NCAM2: variants seen among roughly 807,000 people sequenced by gnomAD.
NCAM2 encodes neural cell adhesion molecule 2.
A neutral mutation model predicts 98.1 loss-of-function variants in NCAM2; 30 were observed. That is an observed-to-expected ratio of 0.31 (90% CI 0.23 to 0.41). The LOEUF is 0.41. NCAM2 is among the 10% of genes least tolerant of loss of function. The pLI is 1.00. For missense variants in NCAM2, 867 were observed against 1,005.8 expected, an observed-to-expected ratio of 0.86 and a Z score of 1.87; for synonymous variants, 368 against 342.4, an observed-to-expected ratio of 1.07 and a Z score of -0.83.
chr21:21,030,951 TAAA>T (rs148221926), intron 1 of NCAM2, among the ~76,000 whole-genome samples: 1 of 151,942 alleles, frequency 6.6e-6, no homozygotes, highest in African/African-American at 2.4e-5. Flanking sequence ...GAATTTAAAA[TAAA>T]AAAGATAATG....
chr21:21,009,040 C>G (rs778296397), intron 1 of NCAM2, among the ~76,000 whole-genome samples: 3 of 152,114 alleles, frequency 2.0e-5, no homozygotes, highest in Non-Finnish European at 2.9e-5. Flanking sequence ...GCAAGAATGC[C>G]TTTCCCTGCT....
chr21:21,168,823 T>C (rs2068034859), intron 1 of NCAM2, among the ~76,000 whole-genome samples: 1 of 152,144 alleles, frequency 6.6e-6, no homozygotes, highest in Non-Finnish European at 1.5e-5. Flanking sequence ...CATTCTTAGC[T>C]TACGTGTAGG....
chr21:21,032,090 G>A (rs1030827587), intron 1 of NCAM2, among the ~76,000 whole-genome samples: 4 of 152,080 alleles, frequency 2.6e-5, no homozygotes, highest in African/African-American at 9.7e-5. Context: ...ATGCAATGGT[G>A]AGCGTACGAA....
At chr21:21,363,832 T>C (rs540136987) in intron 8 of NCAM2, among the ~76,000 whole-genome samples, 83 of 152,248 alleles carry the variant, frequency 5.5e-4, no homozygotes, top group African/African-American at 1.9e-3. Context: ...CTCCTGATTT[T>C]GCTTAAAAAG....
chr21:21,344,768 A>C (rs2147908051), intron 8 of NCAM2, among the ~76,000 whole-genome samples: 1 of 152,210 alleles, frequency 6.6e-6, no homozygotes, highest in East Asian at 1.9e-4. Flanking sequence ...TAGAGCCCTA[A>C]AGCCTTGAGC....
At chr21:21,297,687 A>G (rs2826780) in intron 5 of NCAM2, among the ~76,000 whole-genome samples, 1,856 of 151,598 alleles carry the variant, frequency 0.012, 41 homozygotes, top group African/African-American at 0.042. Flanking sequence ...ATATTCTCCC[A>G]CCATCTGATT....
intron 1 of NCAM2, among the ~76,000 whole-genome samples, chr21:21,017,053 T>C (rs1442369558): frequency 6.6e-6 from 1 of 152,152 alleles, no homozygotes; most frequent in East Asian, 1.9e-4. Flanking sequence ...CAAGAGTATG[T>C]AGGAGAATAA....
chr21:21,356,649 C>A lies in NCAM2; in HGVS notation c.1045-17214C>A, dbSNP rs530522989. Among the ~76,000 whole-genome samples the A allele has an allele frequency of 1.1e-4, 17 of 152,204 alleles. No homozygotes were observed. In the South Asian group the frequency reaches 1.4e-3, roughly 13 times the overall value. On this transcript the variant is annotated intron_variant, in intron 8 of 17. Coordinates refer to ENST00000400546, the MANE Select transcript of NCAM2 (RefSeq NM_004540.5). ...AACAACTATCAATAAATAATGAAGACTTTTATATTGGCATGTGCTAATCTA... is the reference window on the plus strand; with the variant it reads ...AACAACTATCAATAAATAATGAAGAATTTTATATTGGCATGTGCTAATCTA...
At position 21,467,232 on chromosome 21, in the gene NCAM2, T is replaced by C. The variant is rs1001971854; in HGVS notation, c.1774+507T>C. Among the ~76,000 whole-genome samples the C allele has an allele frequency of 4.1e-4, 63 of 151,864 alleles. 1 individual carries two copies. Among genetic ancestry groups the C allele is most frequent in the African/African-American group, 1.5e-3 (61 of 41,482 alleles). ...CATATTTTGGGGAATTGTAAGTTAA[T>C]TGAGTTTACATAGAGTGAAGATTAA... On this transcript the variant is annotated intron_variant, in intron 13 of 17. Transcript: ENST00000400546.
chr21:21,340,840 A>G (rs1338214164), intron 8 of NCAM2, among the ~76,000 whole-genome samples: 2 of 151,944 alleles, frequency 1.3e-5, no homozygotes, highest in Non-Finnish European at 2.9e-5. Context: ...GAGTTCAAAG[A>G]GTCCAAATAA....
chr21:21,216,938 T>C (rs1319386468), intron 1 of NCAM2, among the ~76,000 whole-genome samples: 1 of 152,116 alleles, frequency 6.6e-6, no homozygotes, highest in African/African-American at 2.4e-5. Flanking sequence ...TTGGAAACCT[T>C]GGTTGAAGTT....
chr21:21,383,297 A>C (rs1207206068), intron 9 of NCAM2, among the ~76,000 whole-genome samples: 1 of 152,170 alleles, frequency 6.6e-6, no homozygotes, highest in Non-Finnish European at 1.5e-5. Context: ...GTGCGTGCAG[A>C]GCTAGGGCAT....
chr21:21,534,687 A>C, intron 17 of NCAM2, 31 bp downstream of exon 17: 1 of 1,518,876 alleles, frequency 6.6e-7, no homozygotes, highest in Non-Finnish European at 8.8e-7. Context: ...ACTTATGTTC[A>C]AATGGGTATT....
chr21:21,097,260 C>G (rs368622090), intron 1 of NCAM2, among the ~76,000 whole-genome samples: 5 of 151,784 alleles, frequency 3.3e-5, no homozygotes, highest in African/African-American at 1.2e-4. Context: ...CTGTTATTTA[C>G]ATAATAATCC....
intron 15 of NCAM2, among the ~76,000 whole-genome samples, chr21:21,482,316 AAG>A (rs1381171962): frequency 6.6e-6 from 1 of 152,160 alleles, no homozygotes; most frequent in Non-Finnish European, 1.5e-5. Context: ...AATATGAAAA[AAG>A]ATCATATAAT....
intron 1 of NCAM2, among the ~76,000 whole-genome samples, chr21:21,249,007 C>T (rs1405285968): frequency 6.6e-6 from 1 of 151,938 alleles, no homozygotes; most frequent in East Asian, 1.9e-4. Context: ...TCTTGAAGGT[C>T]AGATAATGCT....
intron 5 of NCAM2, among the ~76,000 whole-genome samples, chr21:21,296,777 C>T (rs2073499082): frequency 6.6e-6 from 1 of 151,694 alleles, no homozygotes; most frequent in East Asian, 2.0e-4. Context: ...TCATGTTATA[C>T]CTGTGTCACA....
At chr21:21,209,591 A>G (rs1006974868) in intron 1 of NCAM2, among the ~76,000 whole-genome samples, 2 of 152,120 alleles carry the variant, frequency 1.3e-5, no homozygotes, top group Admixed American at 1.3e-4. Flanking sequence ...GGAGACTTGC[A>G]GCTAGTCATG....
intron 1 of NCAM2, among the ~76,000 whole-genome samples, chr21:21,006,734 C>T (rs73228148): frequency 0.047 from 7,094 of 152,144 alleles, 208 homozygotes; most frequent in Non-Finnish European, 0.058. Flanking sequence ...ATAGGCATCT[C>T]GTGAAGTTGA....
Sources: allele counts gnomAD v4.1 joint callset (sites outside exome capture counted in the v4.1 genomes callset), GRCh38; gene constraint gnomAD v4.1.1; transcripts MANE v1.5; gene names NCBI Gene and HGNC (gene_info 2026-07-23, HGNC 2026-07-21).